Variants in MYPN observed in about 807,000 individuals in gnomAD.
MYPN encodes myopalladin.
A neutral mutation model predicts 129.4 loss-of-function variants in MYPN; 63 were observed. That is an observed-to-expected ratio of 0.49 (90% CI 0.40 to 0.60). The LOEUF (loss-of-function observed/expected upper bound fraction) is 0.60, where lower values mean the gene tolerates loss of function less well. MYPN is among the 20% of genes least tolerant of loss of function. MYPN has a pLI of 0.00. For synonymous variants in MYPN, 629 were observed against 600.9 expected (o/e 1.05, Z -0.68); for missense variants, 1,596 against 1,635.4 (o/e 0.98, Z 0.42).
chr10:68,094,017 T>C (rs147933907), intron 1 of MYPN, among the ~76,000 whole-genome samples: 73 of 152,266 alleles, frequency 4.8e-4, no homozygotes, highest in African/African-American at 1.7e-3. Flanking sequence ...GAGTGTCTTT[T>C]AGCATGCGAA....
At chr10:68,136,694 C>A in intron 2 of MYPN, 2 of 1,535,370 alleles carry the variant, frequency 1.3e-6, no homozygotes, top group Non-Finnish European at 1.7e-6. Flanking sequence ...CTCCTTCTGG[C>A]TATCCAATTG....
At position 68,136,386 on chromosome 10, in the gene MYPN, C is replaced by T. The variant is rs568219307; in HGVS notation, c.903-6554C>T. 9.1e-5 allele frequency: 78 copies of T among 861,260 alleles called. 2 individuals are homozygous for T. The Middle Eastern group carries it at 1.4e-3, about 16-fold the overall frequency. 53.4% of individuals were successfully genotyped at this position (861,260 alleles called of 1,614,324 possible). On this transcript the variant is annotated intron_variant, in intron 2 of 19. Coordinates refer to ENST00000358913, the MANE Select transcript of MYPN (RefSeq NM_032578.4). ...TTCTGTAAGTGTCATGAGGATTTGG[C>T]GTTCTAAAAACATGCCACCGGTCAG... is the stretch of plus-strand genomic sequence containing the variant.
At chr10:68,108,296 G>A (rs1472103313), upstream of MYPN, among the ~76,000 whole-genome samples, 1 of 152,084 alleles carries the variant, frequency 6.6e-6, no homozygotes, top group African/African-American at 2.4e-5. Context: ...CCTCCAATGT[G>A]ATCACAATAA....
intron 17 of MYPN, among the ~76,000 whole-genome samples, chr10:68,201,362 T>C (rs934878132): frequency 2.5e-4 from 38 of 152,156 alleles, no homozygotes; most frequent in Admixed American, 1.3e-4. Flanking sequence ...CTAAAAGACA[T>C]GAGGAGTGTT....
intron 6 of MYPN, among the ~76,000 whole-genome samples, chr10:68,151,139 T>C (rs2042763182): frequency 6.6e-6 from 1 of 152,106 alleles, no homozygotes; most frequent in African/African-American, 2.4e-5. Flanking sequence ...AAATCCTGGT[T>C]TGAGCAAAAT....
At chr10:68,145,945 A>C (rs1484667896) in intron 4 of MYPN, among the ~76,000 whole-genome samples, 1 of 152,126 alleles carries the variant, frequency 6.6e-6, no homozygotes. Flanking sequence ...TTTTATGCCA[A>C]CCACCTCCTT....
chr10:68,181,113 C>T (rs890836364), intron 12 of MYPN, among the ~76,000 whole-genome samples: 12 of 152,092 alleles, frequency 7.9e-5, no homozygotes, highest in Non-Finnish European at 1.6e-4. Flanking sequence ...TGAGTGTAGA[C>T]GTCATCTATG....
chr10:68,182,454 TATATATATAAC>T (rs1264065691), intron 12 of MYPN, among the ~76,000 whole-genome samples: 10 of 98,238 alleles, frequency 1.0e-4, no homozygotes, highest in Non-Finnish European at 1.6e-4. Context: ...ATATATAACA[TATATATATAAC>T]ATATATACAC....
intron 8 of MYPN, chr10:68,162,289 T>C (rs1208689024): frequency 6.6e-6 from 1 of 152,218 alleles, no homozygotes; most frequent in Non-Finnish European, 1.5e-5. Context: ...CAGCTGGTTC[T>C]TGGTTATTGA....
chr10:68,210,139 A>G (rs2043884477), intron 19 of MYPN, 147 bp from the exon 20 acceptor site: 17 of 825,392 alleles, frequency 2.1e-5, no homozygotes, highest in Non-Finnish European at 2.9e-5. Flanking sequence ...TCTCTTCTAC[A>G]AACGAGGCAA....
At chr10:68,177,217 C>A (rs1361244811) in intron 12 of MYPN, among the ~76,000 whole-genome samples, 1 of 152,138 alleles carries the variant, frequency 6.6e-6, no homozygotes, top group Non-Finnish European at 1.5e-5. Context: ...TGCCATAAAC[C>A]CAGTAGAAAT....
chr10:68,143,033 T>G lies in MYPN; in HGVS notation c.996T>G (p.Phe332Leu). 1 of 1,614,156 alleles carries G rather than the reference T, an allele frequency of 6.2e-7. No individual in the cohort carries two copies. The highest frequency in any genetic ancestry group is 8.5e-7 in the Non-Finnish European group (1 of 1,180,018). ...ACTCACTGACCATTGCGGAAGCCTT[T>G]GAAGAGGACACAGGACGCTATTCCT... ...NLHSLTIAEA[F>L]EEDTGRYSCF... Residue 332 changes from phenylalanine to leucine, a missense_variant, in exon 3 of 20, where the codon TTT becomes TTG. Transcript: ENST00000358913.
At chr10:68,099,155 TC>T (rs2041970794) in intron 1 of MYPN, among the ~76,000 whole-genome samples, 1 of 152,192 alleles carries the variant, frequency 6.6e-6, no homozygotes, top group Non-Finnish European at 1.5e-5. Context: ...CATTTATTGC[TC>T]CAGTTTTGCT....
At chr10:68,141,293 C>CG (rs2042574433) in intron 2 of MYPN, among the ~76,000 whole-genome samples, 1 of 151,022 alleles carries the variant, frequency 6.6e-6, no homozygotes, top group Admixed American at 6.6e-5. Context: ...TGCTTGAACC[C>CG]GGGGGGCAGA....
At chr10:68,092,117 T>TA (rs1396438111) in intron 1 of MYPN, among the ~76,000 whole-genome samples, 1 of 152,144 alleles carries the variant, frequency 6.6e-6, no homozygotes, top group Non-Finnish European at 1.5e-5. Context: ...TCCAGAATTT[T>TA]AAAAAATAAA....
At chr10:68,206,556 G>A (rs2043818774) in intron 18 of MYPN, among the ~76,000 whole-genome samples, 2 of 152,126 alleles carry the variant, frequency 1.3e-5, no homozygotes, top group African/African-American at 2.4e-5. Flanking sequence ...TGGACTTGCA[G>A]CAGTGGGGAG....
intron 7 of MYPN, among the ~76,000 whole-genome samples, chr10:68,159,539 T>C (rs1463055165): frequency 6.6e-6 from 1 of 152,256 alleles, no homozygotes; most frequent in Non-Finnish European, 1.5e-5. Context: ...GTAAGAATTA[T>C]TTAGAAATTT....
At position 68,093,670 on chromosome 10, in the gene MYPN, T is replaced by G. The variant is rs1475491533; in HGVS notation, c.-2+5678T>G. On this transcript the variant is annotated intron_variant, in intron 1 of 6. Coordinates refer to the MYPN transcript ENST00000685154. ...TACTCGGGAGGCTGAGGCAGGAGAA[T>G]GGCGTGAACCCCGGAGGCGGAGCTT... Among the ~76,000 whole-genome samples, 5 of 148,786 alleles carry G rather than the reference T, an allele frequency of 3.4e-5. No individual in the cohort carries two copies. In the South Asian group the frequency reaches 1.1e-3, roughly 32 times the overall value.
rs59317396 is a variant in MYPN at position 68,169,181 on chromosome 10, TAAAAAAAAAAAA to T, written c.1973+2531_1973+2542del. 2.4e-4 allele frequency among the ~76,000 whole-genome samples: 22 copies of T among 91,070 alleles called. 1 individual carries two copies. The highest frequency in any genetic ancestry group is 1.3e-3 in the African/African-American group (19 of 14,916). 59.7% of individuals were successfully genotyped at this position (91,070 alleles called of 152,430 possible). ...TAACACGGTGAAACTCCGTCTCTACTAAAAAAAAAAAAAAAAAAAAAAAAAAATTAGCCAGGT... is the reference window on the plus strand; with the variant it reads ...TAACACGGTGAAACTCCGTCTCTACTAAAAAAAAAAAAAAATTAGCCAGGT... On this transcript the variant is annotated intron_variant, in intron 10 of 19. Transcript: ENST00000358913.
Sources: gnomAD v4.1 joint callset for allele counts (sites outside exome capture counted in the v4.1 genomes callset) on GRCh38, gnomAD v4.1.1 for gene constraint, MANE v1.5 for transcripts, NCBI Gene and HGNC (gene_info 2026-07-23, HGNC 2026-07-21) for gene names.